The following HYDIN variants were observed in gnomAD, a reference collection of about 807,000 sequenced individuals.
The protein encoded by HYDIN is HYDIN axonemal central pair apparatus protein, also known as axonemal central pair apparatus protein HYDIN.
A neutral mutation model predicts 403.9 loss-of-function variants in HYDIN; 132 were observed. The ratio of observed to expected loss-of-function variants is 0.33; its 90% CI spans 0.28 to 0.38. The LOEUF (loss-of-function observed/expected upper bound fraction) is 0.38. Ranked by LOEUF, HYDIN falls within the 10% of genes least tolerant of loss-of-function variation. HYDIN has a pLI of 1.00. For missense variants in HYDIN, 2,827 were observed against 5,009.5 expected, an observed-to-expected ratio of 0.56 and a Z score of 13.15; for synonymous variants, 1,202 against 1,891.7, an observed-to-expected ratio of 0.64 and a Z score of 9.46.
At chr16:71,082,362 C>T (rs930475306) in intron 12 of HYDIN, among the ~76,000 whole-genome samples, 2 of 152,020 alleles carry the variant, frequency 1.3e-5, no homozygotes, top group African/African-American at 4.8e-5. Flanking sequence ...AACAATGCAA[C>T]ACTATTGGAC....
At chr16:71,042,050 C>G (rs956453064) in intron 18 of HYDIN, among the ~76,000 whole-genome samples, 4 of 150,730 alleles carry the variant, frequency 2.7e-5, no homozygotes, top group Non-Finnish European at 5.9e-5. Context: ...GCCATTGTTA[C>G]AGTTTTCTAA....
At chr16:70,949,979 G>T (rs571930897) in intron 41 of HYDIN, among the ~76,000 whole-genome samples, 39 of 152,100 alleles carry the variant, frequency 2.6e-4, no homozygotes, top group African/African-American at 9.4e-4. Flanking sequence ...AAACGTTTGG[G>T]TAAAGAACAC....
At chr16:71,230,121 C>A (rs945738713) in intron 1 of HYDIN, among the ~76,000 whole-genome samples, 1 of 152,214 alleles carries the variant, frequency 6.6e-6, no homozygotes, top group Non-Finnish European at 1.5e-5. Context: ...GTCAATTAAA[C>A]CTCTTTTCTT....
chr16:71,022,539 C>G (rs1225339062), intron 21 of HYDIN, among the ~76,000 whole-genome samples: 1 of 152,118 alleles, frequency 6.6e-6, no homozygotes, highest in Non-Finnish European at 1.5e-5. Context: ...ATCAGATCCA[C>G]TGCCCTTGAG....
intron 74 of HYDIN, among the ~76,000 whole-genome samples, 171 bp from the exon 75 acceptor site, chr16:70,850,118 A>C (rs562940191): frequency 6.6e-6 from 1 of 152,266 alleles, no homozygotes; most frequent in East Asian, 1.9e-4. Context: ...AGGAGCTACT[A>C]AGTGTTGGGG....
intron 25 of HYDIN, among the ~76,000 whole-genome samples, chr16:70,989,519 A>G (rs1359825961): frequency 2.6e-5 from 4 of 152,152 alleles, no homozygotes; most frequent in Non-Finnish European, 2.9e-5. Flanking sequence ...ATTATTATAT[A>G]TATGTGTGTA....
chr16:71,202,696 A>G (rs1486999634), intron 1 of HYDIN, among the ~76,000 whole-genome samples: 2 of 152,242 alleles, frequency 1.3e-5, no homozygotes, highest in African/African-American at 2.4e-5. Context: ...TAATGAATTT[A>G]GTAGATCATT....
chr16:70,945,613 C>G (rs1477529924), intron 41 of HYDIN, among the ~76,000 whole-genome samples: 1 of 152,090 alleles, frequency 6.6e-6, no homozygotes, highest in Non-Finnish European at 1.5e-5. Context: ...CCAGGCTACT[C>G]CAATGACTAG....
chr16:71,093,147 C>T (rs2083165845), intron 11 of HYDIN, among the ~76,000 whole-genome samples: 1 of 151,844 alleles, frequency 6.6e-6, no homozygotes, highest in Admixed American at 6.6e-5. Context: ...CAAACATATA[C>T]AATGAAGGAA....
intron 5 of HYDIN, among the ~76,000 whole-genome samples, chr16:71,169,300 G>A (rs2086367440): frequency 6.6e-6 from 1 of 152,160 alleles, no homozygotes; most frequent in Non-Finnish European, 1.5e-5. Context: ...GGGCATGGTG[G>A]CGGGTGCCTA....
chr16:70,843,167 T>G (rs879433445), intron 75 of HYDIN, among the ~76,000 whole-genome samples: 28 of 143,596 alleles, frequency 1.9e-4, no homozygotes, highest in Non-Finnish European at 3.5e-4. Context: ...GCATTAGGTA[T>G]ATCTCCCAAT....
At chr16:71,210,649 C>T (rs2088538125) in intron 1 of HYDIN, among the ~76,000 whole-genome samples, 1 of 151,892 alleles carries the variant, frequency 6.6e-6, no homozygotes, top group African/African-American at 2.4e-5. Context: ...TACCCCTGAA[C>T]CTAAAATAAA....
At chr16:70,956,324 C>T (rs2078234917) in intron 39 of HYDIN, among the ~76,000 whole-genome samples, 1 of 151,058 alleles carries the variant, frequency 6.6e-6, no homozygotes, top group South Asian at 2.1e-4. Flanking sequence ...ATCCATCATC[C>T]ACTCATTCAG....
At chr16:70,998,961 C>T (rs1241290287) in intron 23 of HYDIN, among the ~76,000 whole-genome samples, 5 of 152,148 alleles carry the variant, frequency 3.3e-5, no homozygotes, top group African/African-American at 1.2e-4. Context: ...AGACATGTCT[C>T]TATTATGGAA....
At chr16:71,195,771 C>CTCCATTAAGAATCCAAAAGAATCCAAA (rs2087668630) in intron 1 of HYDIN, among the ~76,000 whole-genome samples, 1 of 152,112 alleles carries the variant, frequency 6.6e-6, no homozygotes, top group Admixed American at 6.5e-5. Flanking sequence ...AAAAGAAAGA[C>CTCCATTAAGAATCCAAAAGAATCCAAA]AGATTCCATT....
rs1036424165 is a variant in HYDIN at position 71,079,034 on chromosome 16, G to C, written c.1738+851C>G. Among the ~76,000 whole-genome samples the C allele has an allele frequency of 1.1e-4, 16 of 152,062 alleles. 1 individual carries two copies. The highest frequency in any genetic ancestry group is 3.6e-4 in the African/African-American group (15 of 41,500). On this transcript the variant is annotated intron_variant, in intron 13 of 85. Coordinates refer to ENST00000393567, the MANE Select transcript of HYDIN (RefSeq NM_001270974.2). ...CCATATGTGGCGTGTACAACTTCTA[G>C]GAAGTGTCCTTAAAAGGAAGGGGTG...
chr16:71,090,674 G>A (rs773614655), intron 11 of HYDIN, among the ~76,000 whole-genome samples: 1 of 109,404 alleles, frequency 9.1e-6, no homozygotes, highest in Non-Finnish European at 1.7e-5. Flanking sequence ...TAATTTTTGT[G>A]GGTTTTTTTT....
chr16:71,216,173 C>A (rs2088871116), intron 1 of HYDIN, among the ~76,000 whole-genome samples: 1 of 152,078 alleles, frequency 6.6e-6, no homozygotes, highest in African/African-American at 2.4e-5. Context: ...TAAGACTGTT[C>A]ATAGCAGTGT....
intron 59 of HYDIN, 38 bp downstream of exon 59, chr16:70,883,882 C>T (rs1798439): frequency 0.041 from 60,968 of 1,501,270 alleles, 7,434 homozygotes; most frequent in African/African-American, 0.4. Flanking sequence ...CAGATGAACA[C>T]CTTTTAAGTG....
Sources: gnomAD v4.1 joint callset for allele counts (sites outside exome capture counted in the v4.1 genomes callset) on GRCh38, gnomAD v4.1.1 for gene constraint, MANE v1.5 for transcripts, NCBI Gene and HGNC (gene_info 2026-07-23, HGNC 2026-07-21) for gene names.